DTNA: variants seen among roughly 807,000 people sequenced by gnomAD.
DTNA encodes dystrobrevin alpha.
In DTNA, 43 loss-of-function variants were observed where a neutral mutation model predicts 100.7. The ratio of observed to expected loss-of-function variants is 0.43; its 90% CI spans 0.33 to 0.55. The LOEUF (loss-of-function observed/expected upper bound fraction) is 0.55, where lower values mean the gene tolerates loss of function less well. Ranked by LOEUF, DTNA falls within the 20% of genes least tolerant of loss-of-function variation. The pLI is 0.04. For missense variants in DTNA, 798 were observed against 953.9 expected (o/e 0.84, Z 2.15); for synonymous variants, 349 against 347.9 (o/e 1.00, Z -0.04).
chr18:34,518,236 G>C (rs1222102941), intron 1 of DTNA, among the ~76,000 whole-genome samples: 1 of 151,860 alleles, frequency 6.6e-6, no homozygotes, highest in Non-Finnish European at 1.5e-5. Flanking sequence ...CCCCTTTTTT[G>C]AAATGTCTCT....
intron 6 of DTNA, chr18:34,815,535 A>G (rs1328425364): frequency 1.7e-5 from 4 of 231,856 alleles, no homozygotes; most frequent in Middle Eastern, 1.7e-3. Flanking sequence ...ACTGACAGGA[A>G]AATTGTAGAG....
chr18:34,569,988 A>G (rs2047436398), intron 1 of DTNA, among the ~76,000 whole-genome samples: 1 of 152,186 alleles, frequency 6.6e-6, no homozygotes, highest in Non-Finnish European at 1.5e-5. Context: ...CATAAAATTA[A>G]CCATATGACA....
intron 1 of DTNA, among the ~76,000 whole-genome samples, chr18:34,692,318 G>A (rs893299096): frequency 6.6e-6 from 1 of 152,140 alleles, no homozygotes; most frequent in Non-Finnish European, 1.5e-5. Flanking sequence ...CAAAGCAGAC[G>A]TTCCATGAAC....
rs2096939174 is a variant in DTNA at position 34,888,121 on chromosome 18, G to C, written c.*387G>C. ...AACCCATGCTGCTGTTATACACAAT[G>C]GCAGTATTAACAAGCATTTTAAACC... On this transcript the variant is annotated 3_prime_UTR_variant, in exon 23 of 23. Coordinates refer to ENST00000444659, the MANE Select transcript of DTNA (RefSeq NM_001386795.1). 1 of 985,710 alleles carries C rather than the reference G, an allele frequency of 1.0e-6. No homozygotes were observed. Among genetic ancestry groups the C allele is most frequent in the Non-Finnish European group, 1.2e-6 (1 of 829,946 alleles). The allele number at this position is 985,710 out of a possible 1,614,324, so 61.1% of individuals were successfully genotyped here.
chr18:34,508,792 A>T (rs2040748020), intron 1 of DTNA, among the ~76,000 whole-genome samples: 1 of 152,176 alleles, frequency 6.6e-6, no homozygotes. Flanking sequence ...TGGATTAGGC[A>T]TCACATTTTA....
At chr18:34,881,519 G>C (rs892242152) in intron 20 of DTNA, among the ~76,000 whole-genome samples, 7 of 134,804 alleles carry the variant, frequency 5.2e-5, no homozygotes, top group Non-Finnish European at 1.1e-4. Flanking sequence ...GCATTGACTA[G>C]CTGATATTCT....
intron 3 of DTNA, among the ~76,000 whole-genome samples, chr18:34,777,319 T>C (rs915901529): frequency 1.3e-5 from 2 of 152,208 alleles, no homozygotes; most frequent in African/African-American, 4.8e-5. Flanking sequence ...GAGGAGCTCT[T>C]GAACAAGAAA....
At chr18:34,682,962 G>A (rs1179123651) in intron 1 of DTNA, among the ~76,000 whole-genome samples, 1 of 151,972 alleles carries the variant, frequency 6.6e-6, no homozygotes, top group African/African-American at 2.4e-5. Context: ...AAATTAATGG[G>A]AAGATTTTTA....
intron 1 of DTNA, among the ~76,000 whole-genome samples, chr18:34,555,875 G>A (rs1310310842): frequency 6.6e-6 from 1 of 152,132 alleles, no homozygotes; most frequent in East Asian, 1.9e-4. Flanking sequence ...GTTCTTAGAT[G>A]TCTATTAGGT....
intron 1 of DTNA, among the ~76,000 whole-genome samples, chr18:34,695,650 G>A (rs1400627723): frequency 1.3e-5 from 2 of 152,186 alleles, no homozygotes; most frequent in South Asian, 2.1e-4. Flanking sequence ...TTTCTCAGAA[G>A]TAGCTCCTTA....
At chr18:34,785,767 A>G (rs2094487156) in intron 3 of DTNA, among the ~76,000 whole-genome samples, 1 of 152,016 alleles carries the variant, frequency 6.6e-6, no homozygotes. Flanking sequence ...TGCTCAATGC[A>G]CTTATTTAAT....
At chr18:34,724,902 C>CAGAA (rs1357352230) in intron 1 of DTNA, among the ~76,000 whole-genome samples, 1 of 152,134 alleles carries the variant, frequency 6.6e-6, no homozygotes, top group Admixed American at 6.6e-5. Flanking sequence ...ATCAATGGAA[C>CAGAA]AGAACATTGA....
intron 1 of DTNA, among the ~76,000 whole-genome samples, chr18:34,675,866 A>G (rs929376333): frequency 6.6e-6 from 1 of 152,212 alleles, no homozygotes; most frequent in African/African-American, 2.4e-5. Context: ...GTGCACAACA[A>G]TGAAAAAAGT....
At chr18:34,820,767 T>G in intron 8 of DTNA, 24 bp from the exon 9 acceptor site, 1 of 1,614,092 alleles carries the variant, frequency 6.2e-7, no homozygotes. Context: ...CTGTTGTCAC[T>G]TCTGCCTTCC....
chr18:34,580,180 C>T (rs112423668), intron 1 of DTNA, among the ~76,000 whole-genome samples: 4 of 152,070 alleles, frequency 2.6e-5, no homozygotes, highest in African/African-American at 9.6e-5. Context: ...TTTGATAATG[C>T]CCATATATCT....
intron 1 of DTNA, among the ~76,000 whole-genome samples, chr18:34,528,054 A>G (rs2042798189): frequency 6.6e-6 from 1 of 151,956 alleles, no homozygotes; most frequent in African/African-American, 2.4e-5. Context: ...ATTTAATTCT[A>G]TTTTTATATC....
intron 1 of DTNA, among the ~76,000 whole-genome samples, chr18:34,541,022 A>G (rs945828503): frequency 6.6e-6 from 1 of 152,094 alleles, no homozygotes; most frequent in Non-Finnish European, 1.5e-5. Flanking sequence ...TGAAATTAAC[A>G]TTTTTATGGG....
At chr18:34,746,448 T>C (rs11874317) in intron 1 of DTNA, among the ~76,000 whole-genome samples, 11,554 of 152,148 alleles carry the variant, frequency 0.076, 505 homozygotes, top group African/African-American at 0.097. Flanking sequence ...AGCCATCATT[T>C]CCCTATGACA....
chr18:34,814,223 T>G (rs2095547795), intron 6 of DTNA, among the ~76,000 whole-genome samples: 1 of 152,228 alleles, frequency 6.6e-6, no homozygotes, highest in Admixed American at 6.5e-5. Flanking sequence ...TGTAACTACC[T>G]GTTGTATTAC....
Sources: gnomAD v4.1 joint callset for allele counts (sites outside exome capture counted in the v4.1 genomes callset) on GRCh38, gnomAD v4.1.1 for gene constraint, MANE v1.5 for transcripts, NCBI Gene and HGNC (gene_info 2026-07-23, HGNC 2026-07-21) for gene names.